DOCK9: variants seen among roughly 807,000 people sequenced by gnomAD.
DOCK9 encodes dedicator of cytokinesis protein 9.
Under a neutral mutation model 263.3 loss-of-function variants are expected in DOCK9, and 89 were observed. That is an observed-to-expected ratio of 0.34 (90% CI 0.28 to 0.40). DOCK9 has a LOEUF of 0.40. DOCK9 is among the 10% of genes least tolerant of loss of function. DOCK9 has a pLI of 1.00. For missense variants in DOCK9, 2,140 were observed against 2,603.4 expected (o/e 0.82, Z 3.87); for synonymous variants, 976 against 973.1 (o/e 1.00, Z -0.06).
At chr13:98,952,403 T>C (rs1306658169) in intron 2 of DOCK9, among the ~76,000 whole-genome samples, 2 of 151,908 alleles carry the variant, frequency 1.3e-5, no homozygotes, top group Non-Finnish European at 2.9e-5. Context: ...GCCTGGCTAA[T>C]TTTTGTATTT....
chr13:98,952,392 T>C (rs1321411152), intron 2 of DOCK9, among the ~76,000 whole-genome samples: 5 of 151,958 alleles, frequency 3.3e-5, no homozygotes, highest in Non-Finnish European at 5.9e-5. Flanking sequence ...TGCACCACCA[T>C]GCCTGGCTAA....
intron 2 of DOCK9, among the ~76,000 whole-genome samples, chr13:98,943,850 T>C (rs1409459196): frequency 6.6e-6 from 1 of 152,040 alleles, no homozygotes; most frequent in Admixed American, 6.5e-5. Flanking sequence ...TAAAGAGGGA[T>C]AGGGGATGAA....
At chr13:98,820,334 C>G (rs773020510) in intron 45 of DOCK9, among the ~76,000 whole-genome samples, 1 of 152,144 alleles carries the variant, frequency 6.6e-6, no homozygotes, top group African/African-American at 2.4e-5. Flanking sequence ...CAGCAAACCG[C>G]CAACAAAATC....
At chr13:99,012,263 A>G (rs1884623738) in intron 1 of DOCK9, among the ~76,000 whole-genome samples, 1 of 151,996 alleles carries the variant, frequency 6.6e-6, no homozygotes, top group South Asian at 2.1e-4. Context: ...CAAGAAAAAA[A>G]TCACAAAGCT....
intron 41 of DOCK9, among the ~76,000 whole-genome samples, chr13:98,830,574 G>C (rs754364950): frequency 7.9e-5 from 12 of 152,196 alleles, no homozygotes; most frequent in African/African-American, 2.9e-4. Flanking sequence ...CCAGATGGGT[G>C]CTTCCCCGTA....
chr13:99,008,234 ATT>A (rs398024127), intron 1 of DOCK9, among the ~76,000 whole-genome samples: 4,341 of 93,614 alleles, frequency 0.046, 100 homozygotes, highest in African/African-American at 0.084. Flanking sequence ...ATATATATAT[ATT>A]TTTTTTTTTT....
chr13:98,925,227 T>C (rs2052731991), intron 4 of DOCK9, among the ~76,000 whole-genome samples: 1 of 152,152 alleles, frequency 6.6e-6, no homozygotes. Flanking sequence ...CAGTCTCAGG[T>C]ATTCCTTTAA....
chr13:98,850,006 GA>G, intron 36 of DOCK9, 40 bp downstream of exon 36: 3 of 1,416,834 alleles, frequency 2.1e-6, no homozygotes, highest in Non-Finnish European at 2.9e-6. Context: ...AATGATCCAG[GA>G]AAAAATCAAG....
chr13:98,956,815 T>A (rs564362326), intron 1 of DOCK9, among the ~76,000 whole-genome samples: 1 of 152,188 alleles, frequency 6.6e-6, no homozygotes, highest in Non-Finnish European at 1.5e-5. Flanking sequence ...TTTTTGAAAC[T>A]ATAATCATCT....
At position 98,831,214 on chromosome 13, in the gene DOCK9, C is replaced by T. The variant is rs573120014; in HGVS notation, c.4635+134G>A. 753 of 954,512 alleles carry T rather than the reference C, an allele frequency of 7.9e-4. 1 individual carries two copies. The highest frequency in any genetic ancestry group is 1.9e-3 in the Middle Eastern group (6 of 3,140). The allele number at this position is 954,512 out of a possible 1,614,324, so 59.1% of individuals were successfully genotyped here. ...ACATGAAATAAACCAAGCCAGCAAA[C>T]GTGGCTTCCCAGTTTTCCAGATCTT... On this transcript the variant is annotated intron_variant, in intron 41 of 52. Transcript: ENST00000682017.
chr13:98,848,958 G>A (rs1252441760), intron 36 of DOCK9, among the ~76,000 whole-genome samples: 1 of 152,170 alleles, frequency 6.6e-6, no homozygotes, highest in Non-Finnish European at 1.5e-5. Flanking sequence ...CTCCACGGCA[G>A]TGTGCCCGAG....
intron 3 of DOCK9, among the ~76,000 whole-genome samples, chr13:98,929,404 G>A (rs1170279643): frequency 2.6e-5 from 4 of 152,006 alleles, no homozygotes; most frequent in African/African-American, 7.2e-5. Flanking sequence ...TTAGCCAGGC[G>A]TGGTGGTGCA....
Position 98,915,565 on chromosome 13 carries a change from T to C in DOCK9, c.718-62A>G, listed in dbSNP as rs1356737033. The C allele has an allele frequency of 8.9e-6, 13 of 1,463,630 alleles. No individual in the cohort carries two copies. The East Asian group carries it at 2.4e-4, about 27-fold the overall frequency. The allele number at this position is 1,463,630 out of a possible 1,614,324, so 90.7% of individuals were successfully genotyped here. A position where few individuals can be genotyped will look rare whatever the true frequency, so the allele number is the denominator to read the frequency against. On this transcript the variant is annotated intron_variant, in intron 7 of 52. Transcript: ENST00000682017. ...AGAATTAGAACTGCTTTAAAATAAT[T>C]ACTCTCTCTTGTTGGTGAGTGATAT...
intron 1 of DOCK9, among the ~76,000 whole-genome samples, chr13:99,032,646 CATAAATTTATTAATTTACATGACAT>C (rs779756131): frequency 0.027 from 4,085 of 152,100 alleles, 89 homozygotes; most frequent in Middle Eastern, 0.044. Context: ...ATTTACATGA[CATAAATTTATTAATTTACATGACAT>C]AAATTTATTA....
At chr13:98,979,236 A>AGTAGTAGTAGTG (rs1169685646), upstream of DOCK9, among the ~76,000 whole-genome samples, 34 of 144,128 alleles carry the variant, frequency 2.4e-4, no homozygotes, top group African/African-American at 8.4e-4. Context: ...TAGTAGCAGC[A>AGTAGTAGTAGTG]GCGGCGGCAG....
chr13:98,978,897 A>T (rs1341794253), upstream of DOCK9, among the ~76,000 whole-genome samples: 3 of 152,194 alleles, frequency 2.0e-5, no homozygotes, highest in Non-Finnish European at 2.9e-5. Context: ...ATGTGTTCCT[A>T]AAAGTCTGTA....
chr13:98,804,978 T>C (rs752531455), intron 49 of DOCK9, 21 bp downstream of exon 49: 4 of 1,580,608 alleles, frequency 2.5e-6, no homozygotes, highest in Non-Finnish European at 2.6e-6. Flanking sequence ...CTCGTGTCCA[T>C]GCGGCTTCTG....
At chr13:98,958,636 G>A (rs1459932056) in intron 1 of DOCK9, among the ~76,000 whole-genome samples, 1 of 152,222 alleles carries the variant, frequency 6.6e-6, no homozygotes, top group African/African-American at 2.4e-5. Flanking sequence ...AAAACAGGCA[G>A]CAGCCAGATT....
At chr13:99,058,197 C>T (rs1228154317) in intron 1 of DOCK9, among the ~76,000 whole-genome samples, 2 of 149,536 alleles carry the variant, frequency 1.3e-5, no homozygotes, top group Non-Finnish European at 3.0e-5. Flanking sequence ...TGGAGTCTCA[C>T]TCTGTCACCC....
Sources: allele counts gnomAD v4.1 joint callset (sites outside exome capture counted in the v4.1 genomes callset), GRCh38; gene constraint gnomAD v4.1.1; transcripts MANE v1.5; gene names NCBI Gene and HGNC (gene_info 2026-07-23, HGNC 2026-07-21).